SCN2B: variants seen among roughly 807,000 people sequenced by gnomAD.
SCN2B encodes the protein sodium channel regulatory subunit beta-2.
SCN2B carries 14 observed loss-of-function variants against 18.2 expected under a neutral mutation model. That is an observed-to-expected ratio of 0.77 (90% CI 0.51 to 1.21). SCN2B has a LOEUF of 1.21. SCN2B is among the 50% of genes most tolerant of loss of function. The pLI is 0.00. For missense variants in SCN2B, 262 were observed against 286.9 expected (o/e 0.91, Z 0.63); for synonymous variants, 115 against 115.3 (o/e 1.00, Z 0.02).
At chr11:118,171,997 A>G (rs1438805566) in intron 1 of SCN2B, among the ~76,000 whole-genome samples, 1 of 152,152 alleles carries the variant, frequency 6.6e-6, no homozygotes, top group Non-Finnish European at 1.5e-5. Context: ...CCCTAATCCA[A>G]TATCTCCACG....
Position 118,168,319 on chromosome 11 carries a change from A to G in SCN2B, c.238-24T>C, listed in dbSNP as rs1948402798. 11 of 1,602,742 alleles carry G rather than the reference A, an allele frequency of 6.9e-6. No individual in the cohort carries two copies. The highest frequency in any genetic ancestry group is 8.5e-6 in the Non-Finnish European group (10 of 1,169,872). On this transcript the variant is annotated intron_variant, in intron 2 of 3. Transcript: ENST00000278947. This position sits in a 1 kb window ranked among gnomAD's most constrained non-coding sequence, Gnocchi z 4.7. ...AACTGGGGTTGGAGCAAGGGACAGG[A>G]TGGGTGGCTGGATGAGCAAGGAACT...
At chr11:118,176,298 C>A (rs1948467476) in intron 1 of SCN2B, 64 bp downstream of exon 1, 1 of 1,397,210 alleles carries the variant, frequency 7.2e-7, no homozygotes, top group East Asian at 2.3e-5. Flanking sequence ...CCCCTGCCCC[C>A]ATCCTCTTCA....
intron 1 of SCN2B, among the ~76,000 whole-genome samples, chr11:118,172,631 C>T (rs1475760463): frequency 6.6e-6 from 1 of 152,238 alleles, no homozygotes; most frequent in Non-Finnish European, 1.5e-5. Flanking sequence ...ATTTTCAACT[C>T]ACAGAAGGGA....
intron 1 of SCN2B, among the ~76,000 whole-genome samples, chr11:118,170,491 G>A (rs1397511925): frequency 6.6e-6 from 1 of 152,152 alleles, no homozygotes; most frequent in Non-Finnish European, 1.5e-5. Flanking sequence ...GTTAGGCAGG[G>A]ACCAGCTCAC....
Position 118,168,341 on chromosome 11 carries a change from A to G in SCN2B, c.238-46T>C. 6.5e-7 allele frequency: 1 copy of G among 1,543,452 alleles called. No individual in the cohort carries two copies. The highest frequency in any genetic ancestry group is 1.1e-5 in the South Asian group (1 of 89,322). The stretch of plus-strand genomic sequence containing the variant: ...AGGATGGGTGGCTGGATGAGCAAGG[A>G]ACTACAAGGACAGTGAGGATGCCCC... On this transcript the variant is annotated intron_variant, in intron 2 of 3. Transcript: ENST00000278947. The surrounding 1 kb of genome is among the most constrained non-coding windows in gnomAD (Gnocchi z 4.7).
chr11:118,171,003 G>A (rs1347043164), intron 1 of SCN2B, among the ~76,000 whole-genome samples: 1 of 151,872 alleles, frequency 6.6e-6, no homozygotes, highest in Admixed American at 6.5e-5. Context: ...CAGCCGCCCT[G>A]CAGCCTGCAG....
chr11:118,168,181 G>A lies in SCN2B; in HGVS notation c.352C>T (p.Gln118Ter), dbSNP rs1231782694. 6 of 1,614,084 alleles carry A rather than the reference G, an allele frequency of 3.7e-6. No homozygotes were observed. ...YDVSVMLRNV[Q>*]PEDEGIYNCY... ...TTGTAAATCCCCTCATCCTCCGGCT[G>A]CACGTTTCTCAGCATCACCGACACA... The change falls in exon 3 of 4, where the codon CAG becomes TAG. Residue 118 changes from glutamine (Q) to a stop codon, truncating the protein, a stop_gained. Transcript: ENST00000278947. LOFTEE classifies it high-confidence loss of function. This position sits in a 1 kb window ranked among gnomAD's most constrained non-coding sequence, Gnocchi z 4.7.
intron 1 of SCN2B, among the ~76,000 whole-genome samples, chr11:118,169,064 C>T (rs1018242683): frequency 6.6e-6 from 1 of 152,066 alleles, no homozygotes; most frequent in African/African-American, 2.4e-5. Flanking sequence ...AATTGGACTT[C>T]GTTCTTCCTG....
Position 118,167,089 on chromosome 11 carries a change from G to A in SCN2B, c.449-3C>T, listed in dbSNP as rs1231363130. 3 of 1,610,682 alleles carry A rather than the reference G, an allele frequency of 1.9e-6. No individual in the cohort carries two copies. The highest frequency in any genetic ancestry group is 2.7e-5 in the African/African-American group (2 of 74,916). ...CGTGGAGTCCCGCTCAGGGGGCTCT[G>A]GAAAGGAAGCAGAGCCACTGAGCAC... On this transcript the variant is annotated splice_region_variant and splice_polypyrimidine_tract_variant and intron_variant, in intron 3 of 3. Transcript: ENST00000278947.
rs771122364 is a variant in SCN2B at position 118,176,385 on chromosome 11, C to T, written c.47G>A (p.Gly16Glu). 2.5e-6 allele frequency: 4 copies of T among 1,613,876 alleles called. No individual in the cohort carries two copies. Among genetic ancestry groups the T allele is most frequent in the Admixed American group, 3.3e-5 (2 of 59,960 alleles). Reference sequence around the variant, plus strand: ...ACCCAAAGAGAAAAAGAGACTGAGCCCCGTGAGGCTGAAGGCAGGGCGAGG... The same window carrying T: ...ACCCAAAGAGAAAAAGAGACTGAGCTCCGTGAGGCTGAAGGCAGGGCGAGG... ...WLPRPAFSLTGLSLFFSLVPP... is the reference protein window; with the variant it reads ...WLPRPAFSLTELSLFFSLVPP... The change falls in exon 1 of 4, where the codon GGG becomes GAG. Residue 16 changes from glycine to glutamate, a missense_variant. Gly to Glu is a moderately conservative substitution (Grantham distance 98). Coordinates refer to ENST00000278947, the MANE Select transcript of SCN2B (RefSeq NM_004588.5).
intron 1 of SCN2B, among the ~76,000 whole-genome samples, chr11:118,173,968 G>T (rs1486030477): frequency 6.6e-6 from 1 of 151,824 alleles, no homozygotes; most frequent in Non-Finnish European, 1.5e-5. Context: ...TGCTGCCCAC[G>T]CTGGAGTGCA....
rs545361886 is a variant in SCN2B at position 118,172,486 on chromosome 11, A to G, written c.71-3735T>C. Among the ~76,000 whole-genome samples, 25 of 152,318 alleles carry G rather than the reference A, an allele frequency of 1.6e-4. No individual in the cohort carries two copies. The South Asian group carries it at 5.0e-3, about 30-fold the overall frequency. On this transcript the variant is annotated intron_variant, in intron 1 of 3. Coordinates refer to ENST00000278947, the MANE Select transcript of SCN2B (RefSeq NM_004588.5). ...TTCCAAGGCATCCGATCTCTTGCCG[A>G]CTATATGGCAGGTCCAACTCCAGGC... is the stretch of plus-strand genomic sequence containing the variant.
At chr11:118,170,946 G>T (rs1220288120) in intron 1 of SCN2B, among the ~76,000 whole-genome samples, 1 of 152,084 alleles carries the variant, frequency 6.6e-6, no homozygotes, top group Non-Finnish European at 1.5e-5. Flanking sequence ...GGCCTGCAGG[G>T]CTCCTATTTT....
chr11:118,168,430 G>T lies in SCN2B; in HGVS notation c.238-135C>A. 7.9e-7 allele frequency: 1 copy of T among 1,262,380 alleles called. No individual in the cohort carries two copies. The highest frequency in any genetic ancestry group is 1.2e-5 in the South Asian group (1 of 82,800). The allele number at this position is 1,262,380 out of a possible 1,614,324, so 78.2% of individuals were successfully genotyped here. A position where few individuals can be genotyped will look rare whatever the true frequency, so the allele number is the denominator to read the frequency against. On this transcript the variant is annotated intron_variant, in intron 2 of 3. Transcript: ENST00000278947. The surrounding 1 kb of genome is among the most constrained non-coding windows in gnomAD (Gnocchi z 4.7). ...TTACCTCTGTGAGGCACCTGGATGC[G>T]CAGCACACCTTGTTTCAAGAGCCTC...
intron 1 of SCN2B, among the ~76,000 whole-genome samples, chr11:118,170,101 G>T (rs1948418736): frequency 1.3e-5 from 2 of 152,226 alleles, no homozygotes; most frequent in Admixed American, 6.5e-5. Flanking sequence ...CCTACTGTGT[G>T]CCAGGCACTT....
chr11:118,174,752 G>C (rs1183694425), intron 1 of SCN2B, among the ~76,000 whole-genome samples: 1 of 152,116 alleles, frequency 6.6e-6, no homozygotes, highest in Non-Finnish European at 1.5e-5. Flanking sequence ...CTGGGTCCTG[G>C]TCACTGAGCC....
At chr11:118,175,036 C>T (rs573468671) in intron 1 of SCN2B, among the ~76,000 whole-genome samples, 10 of 152,300 alleles carry the variant, frequency 6.6e-5, no homozygotes, top group South Asian at 6.2e-4. Flanking sequence ...TTTCAGCTCC[C>T]GTTACCATAG....
At chr11:118,171,743 T>G (rs538969148) in intron 1 of SCN2B, among the ~76,000 whole-genome samples, 1 of 151,946 alleles carries the variant, frequency 6.6e-6, no homozygotes, top group South Asian at 2.1e-4. Context: ...CAATGCGGGC[T>G]CCCCCTCCCC....
chr11:118,176,234 A>T, intron 1 of SCN2B, 128 bp downstream of exon 1: 1 of 872,540 alleles, frequency 1.1e-6, no homozygotes, highest in Non-Finnish European at 1.9e-6. Flanking sequence ...AGTCCCCAGC[A>T]CCTCCCCTCC....
Sources: allele counts gnomAD v4.1 joint callset (sites outside exome capture counted in the v4.1 genomes callset), GRCh38; gene constraint gnomAD v4.1.1; non-coding constraint Gnocchi (gnomAD v3.1); transcripts MANE v1.5; gene names NCBI Gene and HGNC (gene_info 2026-07-23, HGNC 2026-07-21).